The following TCF25 variants were observed in gnomAD, a reference collection of about 807,000 sequenced individuals.
TCF25 encodes ribosome quality control complex subunit TCF25.
A neutral mutation model predicts 83.1 loss-of-function variants in TCF25; 41 were observed. The observed-to-expected ratio is 0.49, with a 90% CI of 0.38 to 0.64. TCF25 has a LOEUF of 0.64. TCF25 is among the 30% of genes least tolerant of loss of function. The probability of loss-of-function intolerance (pLI) is 0.00; values close to 1 mark genes in which losing one functional copy is unlikely to be tolerated. For missense variants in TCF25, 979 were observed against 914.5 expected, an observed-to-expected ratio of 1.07 and a Z score of -0.91; for synonymous variants, 458 against 365.0, an observed-to-expected ratio of 1.25 and a Z score of -2.90.
chr16:89,898,497 T>C, intron 9 of TCF25, 60 bp from the exon 10 acceptor site: 1 of 1,568,816 alleles, frequency 6.4e-7, no homozygotes, highest in Middle Eastern at 1.7e-4. Context: ...GCCGGGGCGC[T>C]GAGCAGAGAG....
chr16:89,877,771 G>C (rs1240397096), intron 1 of TCF25, among the ~76,000 whole-genome samples: 2 of 152,120 alleles, frequency 1.3e-5, no homozygotes, highest in African/African-American at 4.8e-5. Context: ...GAAGGTCCAG[G>C]TACGTTACCA....
intron 5 of TCF25, among the ~76,000 whole-genome samples, chr16:89,888,121 T>C (rs1286184009): frequency 6.6e-6 from 1 of 151,500 alleles, no homozygotes; most frequent in Non-Finnish European, 1.5e-5. Context: ...AAAAATTAGC[T>C]GGGCGTGGTG....
In TCF25 at chr16:89,889,210, TA is replaced by T. The variant is rs771746550; in HGVS notation, c.614+1494del. 3.2e-4 allele frequency: 128 copies of T among 396,758 alleles called. 1 individual carries two copies. The highest frequency in any genetic ancestry group is 2.4e-3 in the South Asian group (123 of 52,218). 24.6% of individuals were successfully genotyped at this position (396,758 alleles called of 1,614,324 possible). ...TGTCTTTTTTTTATTTATTTATTTT[TA>T]TTTTTTTATTTTTTAGAGACAGGGT... On this transcript the variant is annotated intron_variant, in intron 5 of 17. Coordinates refer to ENST00000263346, the MANE Select transcript of TCF25 (RefSeq NM_014972.3).
In TCF25 at chr16:89,896,033, C is replaced by G. The variant is rs1477555541; in HGVS notation, c.972C>G (p.Phe324Leu). 4.3e-6 allele frequency: 7 copies of G among 1,613,818 alleles called. No individual in the cohort carries two copies. The African/African-American group carries it at 8.0e-5, about 18-fold the overall frequency. ...TGGAATGTGCGTTCCACCCCCTGTT[C>G]AGTCTCACCAGTGGGGCCTGCCGGC... ...YSMECAFHPL[F>L]SLTSGACRLD... Residue 324 changes from phenylalanine to leucine, a missense_variant, in exon 9 of 18, where the codon TTC (phenylalanine) becomes TTG (leucine). Coordinates refer to ENST00000263346, the MANE Select transcript of TCF25 (RefSeq NM_014972.3).
At chr16:89,889,735 A>T (rs1408736867) in intron 5 of TCF25, 1 of 152,252 alleles carries the variant, frequency 6.6e-6, no homozygotes, top group South Asian at 2.0e-4. Flanking sequence ...TTTTTAGTAG[A>T]GATGGGGTTT....
At chr16:89,893,122 C>A (rs1256787752) in intron 6 of TCF25, among the ~76,000 whole-genome samples, 1 of 152,198 alleles carries the variant, frequency 6.6e-6, no homozygotes, top group Non-Finnish European at 1.5e-5. Context: ...GGACTGGGGC[C>A]TTGGGCAGGG....
intron 2 of TCF25, 144 bp downstream of exon 2, chr16:89,883,656 C>T: frequency 1.1e-6 from 1 of 916,832 alleles, no homozygotes; most frequent in Non-Finnish European, 1.6e-6. Context: ...CCCAAATTTA[C>T]TTGGGAACCT....
At chr16:89,907,506 CACCTCCCACCTCCCTCCTCCCAGTTCCT>C (rs2044963832) in intron 16 of TCF25, among the ~76,000 whole-genome samples, 184 bp downstream of exon 16, 2 of 114,440 alleles carry the variant, frequency 1.7e-5, no homozygotes, top group Non-Finnish European at 3.7e-5. Flanking sequence ...TCCCTCCTCC[CACCTCCCACCTCCCTCCTCCCAGTTCCT>C]ACCTCCCATC....
At chr16:89,875,114 C>A (rs759398006) in intron 1 of TCF25, among the ~76,000 whole-genome samples, 1 of 152,180 alleles carries the variant, frequency 6.6e-6, no homozygotes, top group African/African-American at 2.4e-5. Context: ...GTCCTCTCAC[C>A]TTGGCCTCTC....
chr16:89,896,217 C>G (rs888721303), intron 9 of TCF25, 134 bp downstream of exon 9: 1 of 692,992 alleles, frequency 1.4e-6, no homozygotes, highest in Non-Finnish European at 2.4e-6. Flanking sequence ...AGTGACCCAC[C>G]TTCCTCTCTC....
At chr16:89,895,528 A>G (rs1367316389) in intron 8 of TCF25, among the ~76,000 whole-genome samples, 4 of 152,192 alleles carry the variant, frequency 2.6e-5, no homozygotes, top group Admixed American at 6.5e-5. Context: ...TTTACAATGA[A>G]GTTTTCAAGG....
rs767583375 is a variant in TCF25 at position 89,904,880 on chromosome 16, C to T, written c.1470-58C>T. Reference sequence around the variant, plus strand: ...TGCCCATCCATGGGGCTCTGCCAGCCTCGAGGCAGGCTGTGGTCTGAAGAG... The same window carrying T: ...TGCCCATCCATGGGGCTCTGCCAGCTTCGAGGCAGGCTGTGGTCTGAAGAG... On this transcript the variant is annotated intron_variant, in intron 13 of 17. Coordinates refer to ENST00000263346, the MANE Select transcript of TCF25 (RefSeq NM_014972.3). 5 of 1,564,250 alleles carry T rather than the reference C, an allele frequency of 3.2e-6. No homozygotes were observed. In the African/African-American group the frequency reaches 6.8e-5, roughly 21 times the overall value.
chr16:89,877,909 A>G (rs1175013864), intron 1 of TCF25, among the ~76,000 whole-genome samples: 5 of 152,226 alleles, frequency 3.3e-5, no homozygotes. Flanking sequence ...GATAAAACTT[A>G]TCTAAATTGA....
intron 16 of TCF25, 94 bp from the exon 17 acceptor site, chr16:89,910,497 G>GAGGGAGGCAGC: frequency 7.5e-7 from 1 of 1,336,686 alleles, no homozygotes; most frequent in Non-Finnish European, 1.1e-6. Flanking sequence ...GTGTCCCTGC[G>GAGGGAGGCAGC]AGGGAGGCAG....
At chr16:89,874,957 AC>A (rs1470095994) in intron 1 of TCF25, 2 of 151,096 alleles carry the variant, frequency 1.3e-5, no homozygotes, top group Non-Finnish European at 2.9e-5. Flanking sequence ...GGTCCCCAAG[AC>A]CCCCGTCAAG....
intron 14 of TCF25, 44 bp downstream of exon 14, chr16:89,905,140 G>C: frequency 6.6e-7 from 1 of 1,513,676 alleles, no homozygotes; most frequent in African/African-American, 1.4e-5. Context: ...CCCCTCCTCA[G>C]GGACCCTCAT....
chr16:89,892,394 G>A lies in TCF25; in HGVS notation c.697+119G>A, dbSNP rs1039854676. 8.8e-6 allele frequency: 10 copies of A among 1,141,546 alleles called. No individual in the cohort carries two copies. In the South Asian group the frequency reaches 8.8e-5, roughly 10 times the overall value. The allele number at this position is 1,141,546 out of a possible 1,614,324, so 70.7% of individuals were successfully genotyped here. A position where few individuals can be genotyped will look rare whatever the true frequency, so the allele number is the denominator to read the frequency against. ...GGCTGCTGGGGGTGGAGGGCGGCGGGGGGGTGTGTTCTGTGCACTGGCCTG... is the reference window on the plus strand; with the variant it reads ...GGCTGCTGGGGGTGGAGGGCGGCGGAGGGGTGTGTTCTGTGCACTGGCCTG... On this transcript the variant is annotated intron_variant, in intron 6 of 17. Coordinates refer to ENST00000263346, the MANE Select transcript of TCF25 (RefSeq NM_014972.3).
intron 5 of TCF25, among the ~76,000 whole-genome samples, chr16:89,891,063 C>T (rs560280777): frequency 4.6e-5 from 7 of 152,250 alleles, no homozygotes; most frequent in African/African-American, 1.2e-4. Flanking sequence ...TACGACAGCC[C>T]GGTCAGCTCA....
At chr16:89,884,459 T>C in intron 2 of TCF25, 123 bp from the exon 3 acceptor site, 1 of 940,294 alleles carries the variant, frequency 1.1e-6, no homozygotes, top group South Asian at 1.6e-5. Flanking sequence ...GAAGGAACTT[T>C]TGGGACACGG....
Sources: gnomAD v4.1 joint callset for allele counts (sites outside exome capture counted in the v4.1 genomes callset) on GRCh38, gnomAD v4.1.1 for gene constraint, MANE v1.5 for transcripts, NCBI Gene and HGNC (gene_info 2026-07-23, HGNC 2026-07-21) for gene names.